Variants in TCERG1L observed in about 807,000 individuals in gnomAD.
TCERG1L encodes the protein transcription elongation regulator 1 like, also known as transcription elongation regulator 1-like protein.
Under a neutral mutation model 56.3 loss-of-function variants are expected in TCERG1L, and 37 were observed. The ratio of observed to expected loss-of-function variants is 0.66; its 90% CI spans 0.51 to 0.87. The LOEUF is 0.87. Among genes scored for constraint, TCERG1L ranks in the 40% least tolerant of loss-of-function variants. TCERG1L has a pLI of 0.00. For missense variants in TCERG1L, 799 were observed against 774.2 expected (o/e 1.03, Z -0.38); for synonymous variants, 324 against 326.3 (o/e 0.99, Z 0.08).
In TCERG1L at chr10:131,181,851, G is replaced by A. The variant is rs182360354; in HGVS notation, c.857-14966C>T. Among the ~76,000 whole-genome samples the A allele has an allele frequency of 3.7e-3, 563 of 152,364 alleles. 6 individuals are homozygous for A. The highest frequency in any genetic ancestry group is 0.034 in the South Asian group (165 of 4,828). The stretch of plus-strand genomic sequence containing the variant: ...CACTATTCTATTCTGAACATTTTAA[G>A]GGAAACCTTTGCAAACCTCCTTTGC... On this transcript the variant is annotated intron_variant, in intron 4 of 11. Coordinates refer to ENST00000368642, the MANE Select transcript of TCERG1L (RefSeq NM_174937.4).
intron 3 of TCERG1L, among the ~76,000 whole-genome samples, chr10:131,281,972 T>C (rs1846461693): frequency 6.6e-6 from 1 of 151,478 alleles, no homozygotes; most frequent in Non-Finnish European, 1.5e-5. Flanking sequence ...CCATCTCTAC[T>C]AAAAATACAA....
intron 10 of TCERG1L, 127 bp downstream of exon 10, chr10:131,104,138 C>A (rs939120851): frequency 6.3e-6 from 4 of 634,720 alleles, no homozygotes; most frequent in Non-Finnish European, 8.3e-6. Context: ...CACAAGCTCG[C>A]AAGCCACTGG....
intron 8 of TCERG1L, 107 bp from the exon 9 acceptor site, chr10:131,117,041 C>A: frequency 7.2e-7 from 1 of 1,382,976 alleles, no homozygotes; most frequent in East Asian, 2.5e-5. Flanking sequence ...GAAGCACAGT[C>A]TCCTTGACAA....
chr10:131,207,395 G>A (rs368228908), intron 4 of TCERG1L, among the ~76,000 whole-genome samples: 5 of 152,194 alleles, frequency 3.3e-5, no homozygotes, highest in South Asian at 2.1e-4. Flanking sequence ...CTGCAGGGCC[G>A]GCACTGCAGT....
chr10:131,212,840 G>C (rs79591227), intron 4 of TCERG1L, among the ~76,000 whole-genome samples: 351 of 152,370 alleles, frequency 2.3e-3, no homozygotes, highest in African/African-American at 8.1e-3. Context: ...AAACAGGACT[G>C]TGGATGCAGC....
chr10:131,095,134 GGCT>G lies in TCERG1L; in HGVS notation c.1605-1819_1605-1817del, dbSNP rs372526015. 189 of 153,260 alleles carry G rather than the reference GGCT, an allele frequency of 1.2e-3. 2 individuals carry two copies. In the East Asian group the frequency reaches 0.024, roughly 20 times the overall value. The allele number at this position is 153,260 out of a possible 1,614,324, so 9.5% of individuals were successfully genotyped here. On this transcript the variant is annotated intron_variant, in intron 11 of 11. Coordinates refer to ENST00000368642, the MANE Select transcript of TCERG1L (RefSeq NM_174937.4). Reference sequence around the variant, plus strand: ...CGGGCCAGCCTGCCATGAAGGAGGCGGCTGCTGCAGCTCTCAGGAAGGAACACT... The same window carrying G: ...CGGGCCAGCCTGCCATGAAGGAGGCGGCTGCAGCTCTCAGGAAGGAACACT...
intron 9 of TCERG1L, among the ~76,000 whole-genome samples, chr10:131,111,995 C>T (rs1845417545): frequency 7.0e-6 from 1 of 142,594 alleles, no homozygotes; most frequent in African/African-American, 2.5e-5. Context: ...TCAGGACCCT[C>T]CCTCCCTTCC....
At chr10:131,161,681 A>G (rs1420660994) in intron 6 of TCERG1L, 6 of 152,222 alleles carry the variant, frequency 3.9e-5, no homozygotes, top group Non-Finnish European at 8.8e-5. Flanking sequence ...CAGAAACACC[A>G]ACCACGTGAC....
At chr10:131,310,782 T>C (rs1454310880) in intron 1 of TCERG1L, among the ~76,000 whole-genome samples, 2 of 152,216 alleles carry the variant, frequency 1.3e-5, no homozygotes, top group Non-Finnish European at 2.9e-5. Context: ...CTTCCGTCGG[T>C]TGGAATTCTC....
intron 4 of TCERG1L, among the ~76,000 whole-genome samples, chr10:131,174,025 G>A (rs1250269585): frequency 6.6e-6 from 1 of 152,200 alleles, no homozygotes; most frequent in Admixed American, 6.5e-5. Context: ...TGCTACCGGA[G>A]GGGATGGAGT....
At chr10:131,308,419 C>T in intron 2 of TCERG1L, 28 bp from the exon 3 acceptor site, 1 of 1,598,864 alleles carries the variant, frequency 6.3e-7, no homozygotes, top group Non-Finnish European at 8.6e-7. Flanking sequence ...AAGCATAACA[C>T]TGAAGGCAAG....
At chr10:131,178,117 C>T (rs541777871) in intron 4 of TCERG1L, among the ~76,000 whole-genome samples, 243 of 152,220 alleles carry the variant, frequency 1.6e-3, no homozygotes, top group Middle Eastern at 0.01. Context: ...CCACCTGTGC[C>T]CCCTGAGGAC....
chr10:131,115,731 G>A (rs1845454042), intron 9 of TCERG1L, among the ~76,000 whole-genome samples: 1 of 152,184 alleles, frequency 6.6e-6, no homozygotes, highest in Admixed American at 6.5e-5. Context: ...AGGGGTGGGT[G>A]GGACCAGCTC....
chr10:131,231,177 T>C (rs921489812), intron 4 of TCERG1L, among the ~76,000 whole-genome samples: 1 of 152,192 alleles, frequency 6.6e-6, no homozygotes, highest in African/African-American at 2.4e-5. Flanking sequence ...GCCCTCAGAC[T>C]GCCCGAGGGC....
intron 4 of TCERG1L, among the ~76,000 whole-genome samples, chr10:131,189,053 C>T (rs1845278449): frequency 6.6e-6 from 1 of 152,134 alleles, no homozygotes; most frequent in Non-Finnish European, 1.5e-5. Flanking sequence ...TAATGGCTCA[C>T]AATATTCACT....
At chr10:131,094,255 C>T (rs1845217833) in intron 11 of TCERG1L, among the ~76,000 whole-genome samples, 1 of 152,234 alleles carries the variant, frequency 6.6e-6, no homozygotes. Context: ...CTCGCTTGTC[C>T]AGCGACAGTC....
intron 8 of TCERG1L, among the ~76,000 whole-genome samples, chr10:131,121,715 C>T (rs1051640996): frequency 1.3e-4 from 20 of 152,094 alleles, no homozygotes; most frequent in African/African-American, 4.3e-4. Context: ...GAGATGCCCC[C>T]TCGGCCCTGG....
At chr10:131,170,711 G>T (rs1376650724) in intron 4 of TCERG1L, among the ~76,000 whole-genome samples, 3 of 152,200 alleles carry the variant, frequency 2.0e-5, no homozygotes, top group Non-Finnish European at 4.4e-5. Flanking sequence ...TGGTGGGGAA[G>T]AAGTGAGAGG....
intron 6 of TCERG1L, among the ~76,000 whole-genome samples, chr10:131,147,542 A>C (rs1209612332): frequency 6.6e-6 from 1 of 152,146 alleles, no homozygotes; most frequent in African/African-American, 2.4e-5. Flanking sequence ...GTGCTATTAG[A>C]GATTGAGGCC....
Sources: gnomAD v4.1 joint callset for allele counts (sites outside exome capture counted in the v4.1 genomes callset) on GRCh38, gnomAD v4.1.1 for gene constraint, MANE v1.5 for transcripts, NCBI Gene and HGNC (gene_info 2026-07-23, HGNC 2026-07-21) for gene names.